PKN2: variants seen among roughly 807,000 people sequenced by gnomAD.
The protein encoded by PKN2 is protein kinase N2.
A neutral mutation model predicts 119.1 loss-of-function variants in PKN2; 38 were observed. The ratio of observed to expected loss-of-function variants is 0.32; its 90% CI spans 0.25 to 0.42. The LOEUF is 0.42. Among genes scored for constraint, PKN2 ranks in the 10% least tolerant of loss-of-function variants. The probability of loss-of-function intolerance (pLI) is 1.00; values close to 1 mark genes in which losing one functional copy is unlikely to be tolerated. For synonymous variants in PKN2, 390 were observed against 384.9 expected (o/e 1.01, Z -0.15); for missense variants, 850 against 1,165.1 (o/e 0.73, Z 3.94).
Position 88,684,557 on chromosome 1 carries a change from G to A in PKN2, c.-24G>A. On this transcript the variant is annotated 5_prime_UTR_variant, in exon 1 of 22. In the 5' UTR this introduces an upstream ATG that the reference lacks. Coordinates refer to ENST00000370521, the MANE Select transcript of PKN2 (RefSeq NM_006256.4). ...CTTCGCCAGAGGCGGCCGCGTCCAG[G>A]TGCGGAGTCCATACCGGAGCGCAAT... is the stretch of plus-strand genomic sequence containing the variant. 6.5e-7 allele frequency: 1 copy of A among 1,541,484 alleles called. No individual in the cohort carries two copies. Among genetic ancestry groups the A allele is most frequent in the Non-Finnish European group, 8.7e-7 (1 of 1,143,946 alleles).
rs1178944554 is a variant in PKN2 at position 88,812,938 on chromosome 1, A to C, written c.2103-619A>C. ...ATTTTTAGTACATTATTTTCTAGTAAATTTAAATGATGACAAAAATAAAAA... is the reference window on the plus strand; with the variant it reads ...ATTTTTAGTACATTATTTTCTAGTACATTTAAATGATGACAAAAATAAAAA... On this transcript the variant is annotated intron_variant, in intron 15 of 21. Transcript: ENST00000370521. 2.6e-5 allele frequency among the ~76,000 whole-genome samples: 4 copies of C among 152,148 alleles called. No homozygotes were observed. In the East Asian group the frequency reaches 7.7e-4, roughly 29 times the overall value.
At chr1:88,685,175 T>G (rs1666038345) in intron 1 of PKN2, 1 of 152,370 alleles carries the variant, frequency 6.6e-6, no homozygotes, top group South Asian at 2.1e-4. Flanking sequence ...AAATGTTTGC[T>G]TCACTTCAGC....
chr1:88,754,900 T>C (rs1298385045), intron 2 of PKN2, among the ~76,000 whole-genome samples: 2 of 152,218 alleles, frequency 1.3e-5, no homozygotes, highest in African/African-American at 4.8e-5. Context: ...ACATTTTGAA[T>C]TGTATAATAA....
At position 88,781,299 on chromosome 1, in the gene PKN2, TG is replaced by T. The variant is rs938638726; in HGVS notation, c.986-3339del. ...GTTGCTACTTTGAATAAGGTATAAT[TG>T]TTTTTTTGTTGTTTTTTCTCCATGT... On this transcript the variant is annotated intron_variant, in intron 6 of 21. Coordinates refer to ENST00000370521, the MANE Select transcript of PKN2 (RefSeq NM_006256.4). 1.1e-4 allele frequency: 30 copies of T among 281,128 alleles called. 1 individual carries two copies. The highest frequency in any genetic ancestry group is 8.2e-4 in the Admixed American group (14 of 17,048). 17.4% of individuals were successfully genotyped at this position (281,128 alleles called of 1,614,324 possible).
chr1:88,705,110 T>G (rs11578398), intron 1 of PKN2, among the ~76,000 whole-genome samples: 97 of 152,094 alleles, frequency 6.4e-4, no homozygotes, highest in Admixed American at 1.5e-3. Context: ...TTCAATTCTG[T>G]AGCTTATCTT....
Position 88,684,480 on chromosome 1 carries a change from T to C in PKN2, c.-101T>C, listed in dbSNP as rs574944823. 5.3e-4 allele frequency: 514 copies of C among 961,700 alleles called. 4 individuals carry two copies. The African/African-American group carries it at 8.3e-3, about 15-fold the overall frequency. 59.6% of individuals were successfully genotyped at this position (961,700 alleles called of 1,614,324 possible). On this transcript the variant is annotated 5_prime_UTR_variant, in exon 1 of 22. Transcript: ENST00000370521. Reference sequence around the variant, plus strand: ...GAATCCCTAGTTGTTTTTTTTTTTTTCTTTCTCTCCCCTCTCCTCACCCCC... The same window carrying C: ...GAATCCCTAGTTGTTTTTTTTTTTTCCTTTCTCTCCCCTCTCCTCACCCCC...
intron 16 of PKN2, chr1:88,815,296 A>ATTCTCCAAATCTGTATACTGTAT (rs1671939434): frequency 5.6e-6 from 1 of 180,016 alleles, no homozygotes; most frequent in Non-Finnish European, 1.2e-5. Context: ...TGCATTACAG[A>ATTCTCCAAATCTGTATACTGTAT]ACTCCAAATC....
chr1:88,793,834 CAAGAA>C (rs1280252381), intron 8 of PKN2, among the ~76,000 whole-genome samples: 1 of 151,798 alleles, frequency 6.6e-6, no homozygotes, highest in Non-Finnish European at 1.5e-5. Flanking sequence ...GGAATATTGA[CAAGAA>C]AAAAAAGTCT....
intron 1 of PKN2, among the ~76,000 whole-genome samples, chr1:88,724,045 T>C (rs571777736): frequency 6.6e-6 from 1 of 152,314 alleles, no homozygotes; most frequent in Admixed American, 6.5e-5. Context: ...GAGAAGGAGA[T>C]ACTCAAGTCA....
intron 3 of PKN2, among the ~76,000 whole-genome samples, chr1:88,766,735 C>G (rs1669682896): frequency 1.3e-5 from 2 of 152,134 alleles, no homozygotes; most frequent in Admixed American, 1.3e-4. Flanking sequence ...TGTACTCCAG[C>G]CTTATCTCTT....
intron 16 of PKN2, among the ~76,000 whole-genome samples, chr1:88,820,229 T>C (rs1180376175): frequency 4.8e-5 from 2 of 41,908 alleles, no homozygotes; most frequent in African/African-American, 2.0e-4. Flanking sequence ...TATATATATA[T>C]ATATAAATAG....
chr1:88,813,815 G>C, intron 16 of PKN2, 82 bp downstream of exon 16: 1 of 1,203,446 alleles, frequency 8.3e-7, no homozygotes, highest in Non-Finnish European at 1.2e-6. Context: ...TTGAATTTTA[G>C]ATTTTTTTTC....
At position 88,802,921 on chromosome 1, in the gene PKN2, A is replaced by G. The variant is rs569545026; in HGVS notation, c.1282-1470A>G. Reference sequence around the variant, plus strand: ...GAGAAAGTAGACCTCTCTTCCTCCAATCTAAAAAAATGGAGTCTAAATTAC... The same window carrying G: ...GAGAAAGTAGACCTCTCTTCCTCCAGTCTAAAAAAATGGAGTCTAAATTAC... On this transcript the variant is annotated intron_variant, in intron 8 of 21. Coordinates refer to ENST00000370521, the MANE Select transcript of PKN2 (RefSeq NM_006256.4). 5.9e-5 allele frequency among the ~76,000 whole-genome samples: 9 copies of G among 152,322 alleles called. No homozygotes were observed. In the South Asian group the frequency reaches 1.7e-3, roughly 28 times the overall value.
At chr1:88,820,180 C>CTATATATATATATATATA (rs397980752) in intron 16 of PKN2, among the ~76,000 whole-genome samples, 3 of 70,738 alleles carry the variant, frequency 4.2e-5, no homozygotes, top group Admixed American at 1.7e-4. Context: ...TTTCAGAAAC[C>CTATATATATATATATATA]TATATATATA....
At chr1:88,704,529 A>G (rs1004189990) in intron 1 of PKN2, among the ~76,000 whole-genome samples, 1 of 152,216 alleles carries the variant, frequency 6.6e-6, no homozygotes, top group African/African-American at 2.4e-5. Flanking sequence ...GCTAAAACAT[A>G]TAGCAGGTGC....
chr1:88,727,230 G>T (rs1213272642), intron 1 of PKN2, among the ~76,000 whole-genome samples: 2 of 144,916 alleles, frequency 1.4e-5, no homozygotes, highest in African/African-American at 2.6e-5. Context: ...GTATTAATAT[G>T]GTTACTTTTT....
chr1:88,784,954 A>G, intron 7 of PKN2, 130 bp downstream of exon 7: 1 of 483,432 alleles, frequency 2.1e-6, no homozygotes, highest in Non-Finnish European at 3.5e-6. Flanking sequence ...AAATATTAAA[A>G]CCTGTGATGT....
intron 6 of PKN2, among the ~76,000 whole-genome samples, chr1:88,784,000 A>C (rs549021211): frequency 6.6e-6 from 1 of 152,174 alleles, no homozygotes; most frequent in South Asian, 2.1e-4. Flanking sequence ...CCTTATTTCC[A>C]ATTTTTATGT....
chr1:88,770,336 CTT>C lies in PKN2; in HGVS notation c.505-15_505-14del. ...CCCTTTATTTGCTTAATTTTTCAAACTTATTTTTTTAATAGGATCGGAAACTC... is the reference window on the plus strand; with the variant it reads ...CCCTTTATTTGCTTAATTTTTCAAACATTTTTTTAATAGGATCGGAAACTC... On this transcript the variant is annotated splice_polypyrimidine_tract_variant and intron_variant, in intron 3 of 21. Coordinates refer to ENST00000370521, the MANE Select transcript of PKN2 (RefSeq NM_006256.4). The C allele has an allele frequency of 6.6e-7, 1 of 1,514,770 alleles. No homozygotes were observed. The highest frequency in any genetic ancestry group is 9.2e-7 in the Non-Finnish European group (1 of 1,091,496). The allele number at this position is 1,514,770 out of a possible 1,614,324, so 93.8% of individuals were successfully genotyped here.
Sources: allele counts gnomAD v4.1 joint callset (sites outside exome capture counted in the v4.1 genomes callset), GRCh38; gene constraint gnomAD v4.1.1; transcripts MANE v1.5; gene names NCBI Gene and HGNC (gene_info 2026-07-23, HGNC 2026-07-21).